Variants in SCD5 observed in about 807,000 individuals in gnomAD.
SCD5 encodes the protein acyl-CoA-desaturase 4.
Under a neutral mutation model 30.4 loss-of-function variants are expected in SCD5, and 20 were observed. The observed-to-expected ratio is 0.66, with a 90% CI of 0.46 to 0.96. The LOEUF (loss-of-function observed/expected upper bound fraction) is 0.96. SCD5 is among the 40% of genes least tolerant of loss of function. SCD5 has a pLI of 0.00. For missense variants in SCD5, 381 were observed against 443.3 expected, an observed-to-expected ratio of 0.86 and a Z score of 1.26; for synonymous variants, 173 against 176.4, an observed-to-expected ratio of 0.98 and a Z score of 0.16.
Position 82,763,980 on chromosome 4 carries a change from A to T in SCD5, c.232+34326T>A, listed in dbSNP as rs577570696. Among the ~76,000 whole-genome samples, 293 of 152,220 alleles carry T rather than the reference A, an allele frequency of 1.9e-3. 3 individuals carry two copies. The highest frequency in any genetic ancestry group is 6.4e-3 in the African/African-American group (265 of 41,540). ...GAGCCACTCCAGCCTTCTTTGATTG[A>T]TGTTGCGTGATGTATCTTTTTCCAT... On this transcript the variant is annotated intron_variant, in intron 1 of 4. Coordinates refer to ENST00000319540, the MANE Select transcript of SCD5 (RefSeq NM_001037582.3).
Position 82,653,685 on chromosome 4 carries a change from G to GATAGATAGATAGAT in SCD5, c.570-16876_570-16863dup, listed in dbSNP as rs1727803789. The stretch of plus-strand genomic sequence containing the variant: ...AGAATTTGAAAGTCAATGATAGATA[G>GATAGATAGATAGAT]ATAGATAGATAGATAGATAGATATA... On this transcript the variant is annotated intron_variant, in intron 3 of 4. Coordinates refer to ENST00000319540, the MANE Select transcript of SCD5 (RefSeq NM_001037582.3). 2.2e-5 allele frequency among the ~76,000 whole-genome samples: 3 copies of GATAGATAGATAGAT among 136,892 alleles called. No homozygotes were observed. The South Asian group carries it at 7.1e-4, about 32-fold the overall frequency. The allele number at this position is 136,892 out of a possible 152,430, so 89.8% of individuals were successfully genotyped here.
At chr4:82,693,256 G>A (rs1338454067) in intron 2 of SCD5, among the ~76,000 whole-genome samples, 4 of 152,154 alleles carry the variant, frequency 2.6e-5, no homozygotes, top group African/African-American at 9.7e-5. Flanking sequence ...CCCAGCAGTG[G>A]GGTCTGGATG....
At chr4:82,703,619 G>C (rs953589146) in intron 2 of SCD5, among the ~76,000 whole-genome samples, 1 of 152,086 alleles carries the variant, frequency 6.6e-6, no homozygotes, top group Non-Finnish European at 1.5e-5. Context: ...CTAATATTCT[G>C]TTATGTGGTG....
intron 1 of SCD5, among the ~76,000 whole-genome samples, chr4:82,796,186 T>C (rs534455785): frequency 2.0e-4 from 30 of 150,690 alleles, no homozygotes; most frequent in African/African-American, 5.6e-4. Flanking sequence ...AGGAGAATGG[T>C]GTGAACCCAG....
At chr4:82,752,598 A>T (rs1721128048) in intron 1 of SCD5, among the ~76,000 whole-genome samples, 1 of 152,178 alleles carries the variant, frequency 6.6e-6, no homozygotes, top group South Asian at 2.1e-4. Context: ...AGGGAGCATG[A>T]TCTTCACCTT....
At chr4:82,702,558 T>G (rs1232167167) in intron 2 of SCD5, among the ~76,000 whole-genome samples, 1 of 152,160 alleles carries the variant, frequency 6.6e-6, no homozygotes, top group African/African-American at 2.4e-5. Context: ...TGTTTAAGTC[T>G]CAACGTTAAG....
chr4:82,776,397 C>A (rs1229389433), intron 1 of SCD5, among the ~76,000 whole-genome samples: 1 of 152,094 alleles, frequency 6.6e-6, no homozygotes, highest in Non-Finnish European at 1.5e-5. Flanking sequence ...TTGACCTGAC[C>A]GAGTTTAAGT....
At chr4:82,783,060 C>A (rs1318729156) in intron 1 of SCD5, among the ~76,000 whole-genome samples, 1 of 152,170 alleles carries the variant, frequency 6.6e-6, no homozygotes, top group Non-Finnish European at 1.5e-5. Flanking sequence ...CTGGGTCTGG[C>A]CCCCAGAGAT....
intron 1 of SCD5, among the ~76,000 whole-genome samples, chr4:82,750,028 G>C (rs1364728503): frequency 6.6e-6 from 1 of 152,196 alleles, no homozygotes; most frequent in East Asian, 1.9e-4. Flanking sequence ...ACTTCCCTGT[G>C]CCTTGATTTC....
chr4:82,701,033 T>C (rs1719826665), intron 2 of SCD5, among the ~76,000 whole-genome samples: 1 of 152,158 alleles, frequency 6.6e-6, no homozygotes, highest in African/African-American at 2.4e-5. Context: ...AACAATTTGT[T>C]TAGTGATTAT....
At chr4:82,715,806 C>T (rs950369419) in intron 1 of SCD5, among the ~76,000 whole-genome samples, 2 of 151,630 alleles carry the variant, frequency 1.3e-5, no homozygotes, top group Non-Finnish European at 2.9e-5. Context: ...TCTTGACCAA[C>T]AGCATGTAAA....
At chr4:82,789,940 T>G (rs1380677758) in intron 1 of SCD5, among the ~76,000 whole-genome samples, 2 of 152,004 alleles carry the variant, frequency 1.3e-5, no homozygotes, top group East Asian at 1.9e-4. Flanking sequence ...TTAGGGGTTT[T>G]TTGTTGTTGT....
intron 3 of SCD5, among the ~76,000 whole-genome samples, chr4:82,644,549 AATG>A: frequency 6.6e-6 from 1 of 152,332 alleles, no homozygotes; most frequent in South Asian, 2.1e-4. Flanking sequence ...TTGGTTAATA[AATG>A]ATGAGTCTTG....
chr4:82,696,779 A>C (rs1048699808), intron 2 of SCD5, among the ~76,000 whole-genome samples: 3 of 152,242 alleles, frequency 2.0e-5, no homozygotes, highest in African/African-American at 7.2e-5. Context: ...CAATGGAATA[A>C]AGAATATGCA....
chr4:82,653,965 T>C lies in SCD5; in HGVS notation c.570-17142A>G, dbSNP rs546573603. On this transcript the variant is annotated intron_variant, in intron 3 of 4. Transcript: ENST00000319540. The stretch of plus-strand genomic sequence containing the variant: ...CGGAGTCCTGCTCTGTCACCCAGGC[T>C]GGAGTGCAATGGCACAATCTGGGCT... 2.0e-5 allele frequency among the ~76,000 whole-genome samples: 3 copies of C among 152,078 alleles called. No individual in the cohort carries two copies. The East Asian group carries it at 5.8e-4, about 30-fold the overall frequency.
intron 4 of SCD5, among the ~76,000 whole-genome samples, chr4:82,632,028 T>C (rs570485545): frequency 6.6e-6 from 1 of 152,258 alleles, no homozygotes; most frequent in East Asian, 1.9e-4. Context: ...CTTTTTTTCA[T>C]GTAGCTTTTC....
chr4:82,676,015 A>G (rs1471057233), intron 3 of SCD5, among the ~76,000 whole-genome samples: 2 of 152,228 alleles, frequency 1.3e-5, no homozygotes, highest in Non-Finnish European at 1.5e-5. Context: ...GGGTACAGAT[A>G]TGGTCAATGA....
At chr4:82,764,488 T>C (rs1721445119) in intron 1 of SCD5, among the ~76,000 whole-genome samples, 1 of 152,232 alleles carries the variant, frequency 6.6e-6, no homozygotes, top group South Asian at 2.1e-4. Flanking sequence ...TTATTAATGA[T>C]AACTCTTTGT....
chr4:82,750,844 C>G (rs1479185327), intron 1 of SCD5, among the ~76,000 whole-genome samples: 2 of 152,182 alleles, frequency 1.3e-5, no homozygotes, highest in East Asian at 3.9e-4. Flanking sequence ...GCACAGAGTT[C>G]CTCTAAACCT....
Sources: gnomAD v4.1 joint callset for allele counts (sites outside exome capture counted in the v4.1 genomes callset) on GRCh38, gnomAD v4.1.1 for gene constraint, MANE v1.5 for transcripts, NCBI Gene and HGNC (gene_info 2026-07-23, HGNC 2026-07-21) for gene names.